Variants in PIGU observed in about 807,000 individuals in gnomAD.
The protein encoded by PIGU is phosphatidylinositol glycan anchor biosynthesis class U.
In PIGU, 24 loss-of-function variants were observed where a neutral mutation model predicts 49.9. The observed-to-expected ratio is 0.48, with a 90% CI of 0.35 to 0.68. The LOEUF (loss-of-function observed/expected upper bound fraction) is 0.68, where lower values mean the gene tolerates loss of function less well. Ranked by LOEUF, PIGU falls within the 30% of genes least tolerant of loss-of-function variation. PIGU has a pLI of 0.01. For missense variants in PIGU, 490 were observed against 532.6 expected, an observed-to-expected ratio of 0.92 and a Z score of 0.79; for synonymous variants, 220 against 205.7, an observed-to-expected ratio of 1.07 and a Z score of -0.59.
intron 6 of PIGU, among the ~76,000 whole-genome samples, chr20:34,616,829 A>ATT (rs1985030286): frequency 6.6e-6 from 1 of 152,220 alleles, no homozygotes; most frequent in African/African-American, 2.4e-5. Flanking sequence ...AAAGACGAAA[A>ATT]GCCAGCAGGC....
At chr20:34,569,451 G>A (rs780638877) in intron 11 of PIGU, among the ~76,000 whole-genome samples, 11 of 152,072 alleles carry the variant, frequency 7.2e-5, no homozygotes, top group African/African-American at 1.7e-4. Context: ...GGCTGTTCTC[G>A]AACTCCTAAG....
At chr20:34,603,095 T>A (rs896199603) in intron 7 of PIGU, among the ~76,000 whole-genome samples, 8 of 152,154 alleles carry the variant, frequency 5.3e-5, no homozygotes, top group Admixed American at 5.2e-4. Flanking sequence ...TTAACCCATA[T>A]AACATCCCAT....
chr20:34,658,231 G>C (rs921334604), intron 1 of PIGU, among the ~76,000 whole-genome samples: 5 of 152,384 alleles, frequency 3.3e-5, no homozygotes, highest in African/African-American at 1.2e-4. Context: ...CTAACCGCGA[G>C]TGATCCGCCA....
intron 11 of PIGU, among the ~76,000 whole-genome samples, chr20:34,570,105 G>A (rs1318435726): frequency 2.0e-5 from 3 of 152,310 alleles, no homozygotes; most frequent in South Asian, 4.1e-4. Context: ...CAGTAGAGTA[G>A]TTACATAAAG....
intron 7 of PIGU, among the ~76,000 whole-genome samples, chr20:34,589,653 T>A (rs1278159851): frequency 2.2e-5 from 3 of 138,570 alleles, no homozygotes; most frequent in Non-Finnish European, 3.1e-5. Flanking sequence ...ACCTGGCTTT[T>A]TTTTTTTTTT....
intron 4 of PIGU, among the ~76,000 whole-genome samples, chr20:34,638,903 C>T (rs571030815): frequency 1.3e-5 from 2 of 152,036 alleles, no homozygotes; most frequent in African/African-American, 2.4e-5. Flanking sequence ...AAATCGGTGG[C>T]CCTGTTGATT....
chr20:34,646,937 GC>G (rs1339613533), intron 2 of PIGU, among the ~76,000 whole-genome samples: 2 of 151,504 alleles, frequency 1.3e-5, no homozygotes, highest in East Asian at 3.9e-4. Context: ...TGATTCTCCT[GC>G]CTCAGCCTCC....
At chr20:34,633,097 TTAC>T (rs1985842299) in intron 6 of PIGU, among the ~76,000 whole-genome samples, 1 of 152,160 alleles carries the variant, frequency 6.6e-6, no homozygotes, top group Non-Finnish European at 1.5e-5. Context: ...GTAGTCATAG[TTAC>T]TACTTTGCCC....
At chr20:34,672,095 A>G (rs990236413) in intron 1 of PIGU, among the ~76,000 whole-genome samples, 2 of 151,810 alleles carry the variant, frequency 1.3e-5, no homozygotes, top group African/African-American at 4.8e-5. Flanking sequence ...TGGGCCAAAC[A>G]TGTCCAGCTA....
rs1987227519 is a variant in PIGU, at chr20:34,669,223, A to G, written c.130+7733T>C. On this transcript the variant is annotated intron_variant, in intron 1 of 11. Transcript: ENST00000217446. Reference sequence around the variant, plus strand: ...TCTTAACAACTATGGTTTAGTTAATAGTATTGTACCAATGCTATCATCTTA... The same window carrying G: ...TCTTAACAACTATGGTTTAGTTAATGGTATTGTACCAATGCTATCATCTTA... Among the ~76,000 whole-genome samples the G allele has an allele frequency of 3.9e-5, 6 of 152,116 alleles. No homozygotes were observed. The South Asian group carries it at 1.2e-3, about 31-fold the overall frequency.
chr20:34,582,990 C>G (rs1983547274), intron 9 of PIGU, among the ~76,000 whole-genome samples: 1 of 152,204 alleles, frequency 6.6e-6, no homozygotes, highest in African/African-American at 2.4e-5. Context: ...TGGCCTACTT[C>G]TGCACAGTAC....
chr20:34,647,775 C>T (rs1386342058), intron 2 of PIGU, among the ~76,000 whole-genome samples: 1 of 152,046 alleles, frequency 6.6e-6, no homozygotes, highest in East Asian at 1.9e-4. Context: ...CTTAACGGTC[C>T]ATTATATGGT....
chr20:34,638,275 T>A (rs745343914), intron 4 of PIGU, among the ~76,000 whole-genome samples: 1 of 152,200 alleles, frequency 6.6e-6, no homozygotes, highest in Non-Finnish European at 1.5e-5. Context: ...AGTTAAATCA[T>A]CATTTCCTTA....
At chr20:34,651,669 G>A (rs1986545048) in intron 2 of PIGU, among the ~76,000 whole-genome samples, 2 of 152,172 alleles carry the variant, frequency 1.3e-5, no homozygotes. Context: ...CCATGCTGAT[G>A]ACTGAGGAGC....
intron 7 of PIGU, among the ~76,000 whole-genome samples, chr20:34,615,044 G>A (rs1328722031): frequency 1.3e-5 from 2 of 152,196 alleles, no homozygotes; most frequent in Admixed American, 1.3e-4. Flanking sequence ...GCATCAGATG[G>A]CCATGGTTCA....
intron 1 of PIGU, among the ~76,000 whole-genome samples, chr20:34,661,898 TA>T (rs910750077): frequency 1.3e-5 from 2 of 152,160 alleles, no homozygotes; most frequent in African/African-American, 4.8e-5. Flanking sequence ...GACTTTTTAA[TA>T]ATGGTCATTC....
chr20:34,560,987 G>A lies in PIGU; in HGVS notation c.1195-8C>T, dbSNP rs747851093. On this transcript the variant is annotated splice_region_variant and splice_polypyrimidine_tract_variant and intron_variant, in intron 11 of 11. Transcript: ENST00000217446. ...ATCAGAGATGAGCAGGATCTGGGGG[G>A]AGAGAGAGGGTGTGAGGCGCTGCTG... 3.2e-6 allele frequency: 5 copies of A among 1,579,222 alleles called. No homozygotes were observed. The South Asian group carries it at 3.3e-5, about 11-fold the overall frequency.
rs545023214 is a variant in PIGU, at chr20:34,661,631, GT to G, written c.131-4388del. On this transcript the variant is annotated intron_variant, in intron 1 of 11. Transcript: ENST00000217446. ...CAGTCCACCACTGATGGGCATTCAGGTTAATTCCATGTCTTTGCTATTGTGA... is the reference window on the plus strand; with the variant it reads ...CAGTCCACCACTGATGGGCATTCAGGTAATTCCATGTCTTTGCTATTGTGA... 2.6e-5 allele frequency among the ~76,000 whole-genome samples: 4 copies of G among 151,708 alleles called. 1 individual carries two copies. The South Asian group carries it at 8.3e-4, about 32-fold the overall frequency.
intron 7 of PIGU, among the ~76,000 whole-genome samples, chr20:34,614,890 C>T (rs551521590): frequency 4.6e-5 from 7 of 152,326 alleles, no homozygotes; most frequent in African/African-American, 1.7e-4. Context: ...TCTGGCACTG[C>T]CACCTGTACA....
Sources: allele counts gnomAD v4.1 joint callset (sites outside exome capture counted in the v4.1 genomes callset), GRCh38; gene constraint gnomAD v4.1.1; transcripts MANE v1.5; gene names NCBI Gene and HGNC (gene_info 2026-07-23, HGNC 2026-07-21).